SEMA3C: variants seen among roughly 807,000 people sequenced by gnomAD.
The protein encoded by SEMA3C is semaphorin-3C.
SEMA3C carries 47 observed loss-of-function variants against 89.4 expected under a neutral mutation model. The observed-to-expected ratio is 0.53, with a 90% CI of 0.42 to 0.67. The LOEUF is 0.67. Among genes scored for constraint, SEMA3C ranks in the 30% least tolerant of loss-of-function variants. SEMA3C has a pLI of 0.00. For missense variants in SEMA3C, 839 were observed against 929.1 expected (o/e 0.90, Z 1.26); for synonymous variants, 310 against 320.2 (o/e 0.97, Z 0.34).
chr7:80,916,552 G>T, intron 2 of SEMA3C, 127 bp downstream of exon 2: 1 of 757,054 alleles, frequency 1.3e-6, no homozygotes, highest in Non-Finnish European at 2.0e-6. Flanking sequence ...CCTCCAAAAC[G>T]CAGCCCAGTA....
intron 15 of SEMA3C, among the ~76,000 whole-genome samples, chr7:80,753,328 C>T (rs879703815): frequency 3.9e-5 from 6 of 152,172 alleles, no homozygotes; most frequent in Admixed American, 1.3e-4. Context: ...CTACAGCCAA[C>T]TTCTGAGTAT....
Position 80,801,214 on chromosome 7 carries a change from A to G in SEMA3C, c.917-388T>C, listed in dbSNP as rs111892618. ...AGAAATATTCTGGTGCTTCTTTCTA[A>G]ATATCCTTTAATGTTAATATATTAC... On this transcript the variant is annotated intron_variant, in intron 9 of 17. Transcript: ENST00000265361. Among the ~76,000 whole-genome samples the G allele has an allele frequency of 6.3e-3, 966 of 152,194 alleles. 11 individuals carry two copies. The highest frequency in any genetic ancestry group is 0.021 in the African/African-American group (883 of 41,570).
At position 80,830,017 on chromosome 7, in the gene SEMA3C, C is replaced by T. The variant is rs373386504; in HGVS notation, c.104-1272G>A. On this transcript the variant is annotated intron_variant, in intron 2 of 17. Coordinates refer to ENST00000265361, the MANE Select transcript of SEMA3C (RefSeq NM_006379.5). ...AACCGAAATCAAAATGATACAAATT[C>T]TTATAGGAAGTCATGGACTATATTC... 1.8e-3 allele frequency among the ~76,000 whole-genome samples: 267 copies of T among 152,218 alleles called. 2 individuals carry two copies. Among genetic ancestry groups the T allele is most frequent in the African/African-American group, 5.8e-3 (240 of 41,540 alleles).
At chr7:80,859,939 G>C (rs1317800674) in intron 2 of SEMA3C, among the ~76,000 whole-genome samples, 1 of 151,644 alleles carries the variant, frequency 6.6e-6, no homozygotes, top group Non-Finnish European at 1.5e-5. Context: ...AAAATAATCG[G>C]GTTTCAAAAA....
intron 10 of SEMA3C, among the ~76,000 whole-genome samples, chr7:80,799,916 C>T (rs1335417566): frequency 2.7e-5 from 4 of 149,954 alleles, no homozygotes; most frequent in African/African-American, 4.9e-5. Flanking sequence ...CTTTGGGAGG[C>T]TGAGGCTGGC....
Position 80,892,088 on chromosome 7 carries a change from T to A in SEMA3C, c.103+24591A>T, listed in dbSNP as rs144232095. Among the ~76,000 whole-genome samples, 232 of 152,222 alleles carry A rather than the reference T, an allele frequency of 1.5e-3. 1 individual carries two copies. The highest frequency in any genetic ancestry group is 5.3e-3 in the African/African-American group (220 of 41,548). ...CTTATATTACTAATAGGCTAGTTCA[T>A]TCAGAGATACAGCTTTGCAATAACT... On this transcript the variant is annotated intron_variant, in intron 2 of 17. Transcript: ENST00000265361.
intron 2 of SEMA3C, among the ~76,000 whole-genome samples, chr7:80,886,555 T>C (rs1486497100): frequency 6.6e-6 from 1 of 152,100 alleles, no homozygotes; most frequent in African/African-American, 2.4e-5. Flanking sequence ...GGTTTCACCA[T>C]GTTGGTCAGG....
intron 13 of SEMA3C, among the ~76,000 whole-genome samples, chr7:80,762,025 G>A (rs1193653783): frequency 6.8e-6 from 1 of 147,856 alleles, no homozygotes; most frequent in Non-Finnish European, 1.5e-5. Flanking sequence ...GGAGGCGAAG[G>A]TTGTAGTGAG....
At chr7:80,771,695 GT>G (rs1788438219) in intron 12 of SEMA3C, among the ~76,000 whole-genome samples, 1 of 152,102 alleles carries the variant, frequency 6.6e-6, no homozygotes, top group African/African-American at 2.4e-5. Context: ...TCCTAAGGGG[GT>G]TTCCCTGGAA....
At position 80,745,138 on chromosome 7, in the gene SEMA3C, G is replaced by C; in HGVS notation, c.2012C>G (p.Thr671Arg). ...VLDSEMVAVV[T>R]DKWSPWTWAS... Reference sequence around the variant, plus strand: ...CCAGGTCCATGGGGACCATTTGTCCGTCACAACAGCCACCATTTCTGAATC... The same window carrying C: ...CCAGGTCCATGGGGACCATTTGTCCCTCACAACAGCCACCATTTCTGAATC... The change falls in exon 18 of 18, where the codon ACG becomes AGG. Residue 671 changes from threonine (T) to arginine (R), a missense_variant. Physicochemically the swap from Thr to Arg is moderately conservative, Grantham distance 71. Transcript: ENST00000265361. 1 of 1,613,988 alleles carries C rather than the reference G, an allele frequency of 6.2e-7. No homozygotes were observed. Among genetic ancestry groups the C allele is most frequent in the Non-Finnish European group, 8.5e-7 (1 of 1,179,966 alleles).
At chr7:80,922,257 C>G, upstream of SEMA3C, 1 of 1,288,584 alleles carries the variant, frequency 7.8e-7, no homozygotes, top group Non-Finnish European at 1.0e-6. Context: ...TTCAATACTT[C>G]CTCTTACCTT....
At chr7:80,761,778 T>A in intron 13 of SEMA3C, 121 bp from the exon 14 acceptor site, 1 of 555,284 alleles carries the variant, frequency 1.8e-6, no homozygotes, top group East Asian at 3.5e-5. Context: ...TACATCTACT[T>A]TAAAATTACT....
chr7:80,825,953 T>C (rs912307910), intron 4 of SEMA3C, among the ~76,000 whole-genome samples: 2 of 152,130 alleles, frequency 1.3e-5, no homozygotes, highest in East Asian at 1.9e-4. Context: ...TCTGGATTTT[T>C]TCCCCCAAGA....
chr7:80,758,914 C>T (rs553433287), intron 14 of SEMA3C, among the ~76,000 whole-genome samples: 17 of 152,082 alleles, frequency 1.1e-4, no homozygotes, highest in African/African-American at 4.1e-4. Context: ...AAATAAAGGG[C>T]ATTTTAAGTT....
chr7:80,876,344 T>C (rs1429984050), intron 2 of SEMA3C, among the ~76,000 whole-genome samples: 1 of 152,214 alleles, frequency 6.6e-6, no homozygotes, highest in East Asian at 1.9e-4. Context: ...GGTGCCACTC[T>C]TCTATACAGG....
intron 12 of SEMA3C, among the ~76,000 whole-genome samples, chr7:80,774,881 A>T (rs1788510870): frequency 6.6e-6 from 1 of 152,126 alleles, no homozygotes. Context: ...AACCAAGTTG[A>T]AGAAATGTTA....
intron 2 of SEMA3C, among the ~76,000 whole-genome samples, chr7:80,906,655 A>G (rs1254525333): frequency 6.6e-6 from 1 of 152,234 alleles, no homozygotes; most frequent in African/African-American, 2.4e-5. Context: ...AATTATGCGT[A>G]TTAAAAGTGT....
intron 2 of SEMA3C, among the ~76,000 whole-genome samples, chr7:80,893,951 GA>G (rs1791674555): frequency 6.6e-6 from 1 of 152,168 alleles, no homozygotes; most frequent in South Asian, 2.1e-4. Context: ...AAAGGTAACT[GA>G]AGACATTCCT....
intron 13 of SEMA3C, 126 bp downstream of exon 13, chr7:80,765,029 C>T: frequency 1.6e-6 from 1 of 611,028 alleles, no homozygotes; most frequent in South Asian, 2.8e-5. Flanking sequence ...TTTTCCTACC[C>T]TCAAAAATTC....
Sources: gnomAD v4.1 joint callset for allele counts (sites outside exome capture counted in the v4.1 genomes callset) on GRCh38, gnomAD v4.1.1 for gene constraint, MANE v1.5 for transcripts, NCBI Gene and HGNC (gene_info 2026-07-23, HGNC 2026-07-21) for gene names.